KCNQ1: variants seen among roughly 807,000 people sequenced by gnomAD.
KCNQ1 encodes potassium voltage-gated channel subfamily KQT member 1.
KCNQ1 carries 49 observed loss-of-function variants against 72.4 expected under a neutral mutation model. That is an observed-to-expected ratio of 0.68 (90% CI 0.54 to 0.86). The LOEUF is 0.86. Among genes scored for constraint, KCNQ1 ranks in the 40% least tolerant of loss-of-function variants. The probability of loss-of-function intolerance (pLI) is 0.00; values close to 1 mark genes in which losing one functional copy is unlikely to be tolerated. For missense variants in KCNQ1, 790 were observed against 945.1 expected, an observed-to-expected ratio of 0.84 and a Z score of 2.15; for synonymous variants, 450 against 412.6, an observed-to-expected ratio of 1.09 and a Z score of -1.10.
chr11:2,703,665 C>T lies in KCNQ1; in HGVS notation c.1514+41584C>T, dbSNP rs1268863325. 1.3e-5 allele frequency among the ~76,000 whole-genome samples: 2 copies of T among 152,132 alleles called. No individual in the cohort carries two copies. The highest frequency in any genetic ancestry group is 2.4e-5 in the African/African-American group (1 of 41,430). On this transcript the variant is annotated intron_variant, in intron 11 of 15. Transcript: ENST00000155840. This position sits in a 1 kb window ranked among gnomAD's most constrained non-coding sequence, Gnocchi z 6.4. ...GTGCAGATGGGGCCCAGAGCCCCGG[C>T]GGTGTCCCAGGGGAAACACCAGTCC...
chr11:2,520,133 C>T (rs921346299), intron 1 of KCNQ1, among the ~76,000 whole-genome samples: 12 of 152,340 alleles, frequency 7.9e-5, no homozygotes, highest in South Asian at 4.1e-4. Context: ...CCCCTGGAGT[C>T]GGCCAGTCTG....
rs1223200680 is a variant in KCNQ1, at chr11:2,544,262, G to A, written c.477+16244G>A. Among the ~76,000 whole-genome samples, 4 of 92,948 alleles carry A rather than the reference G, an allele frequency of 4.3e-5. No homozygotes were observed. Among genetic ancestry groups the A allele is most frequent in the Admixed American group, 2.1e-4 (2 of 9,468 alleles). The allele number at this position is 92,948 out of a possible 152,430, so 61.0% of individuals were successfully genotyped here. ...TGTGTGTGTGTGTATATATATATGT[G>A]TGTGTGTGTATATATATGTGTATAT... is the stretch of plus-strand genomic sequence containing the variant. On this transcript the variant is annotated intron_variant, in intron 2 of 15. Transcript: ENST00000155840. The surrounding 1 kb of genome is among the most constrained non-coding windows in gnomAD (Gnocchi z 4.4).
rs1847314188 is a variant in KCNQ1 at position 2,517,839 on chromosome 11, C to A, written c.387-10089C>A. ...AGGAGGCTCCCAGCGATCTGTCAAC[C>A]TGTGCTGTTGGCATGCAGCCTGGGG... On this transcript the variant is annotated intron_variant, in intron 1 of 15. Coordinates refer to ENST00000155840, the MANE Select transcript of KCNQ1 (RefSeq NM_000218.3). Among the ~76,000 whole-genome samples the A allele has an allele frequency of 3.9e-5, 6 of 152,354 alleles. No individual in the cohort carries two copies. The South Asian group carries it at 1.2e-3, about 32-fold the overall frequency.
chr11:2,739,274 C>T (rs1590062127), intron 11 of KCNQ1, among the ~76,000 whole-genome samples: 1 of 152,206 alleles, frequency 6.6e-6, no homozygotes, highest in East Asian at 1.9e-4. Flanking sequence ...GTGTGAGGTA[C>T]TGAGAGCCCA....
chr11:2,560,265 GT>G (rs1848141906), intron 2 of KCNQ1, among the ~76,000 whole-genome samples: 1 of 50,116 alleles, frequency 2.0e-5, no homozygotes, highest in Non-Finnish European at 4.4e-5. Flanking sequence ...TCCTGGGGGA[GT>G]GGGGGCGGTG....
chr11:2,782,429 C>A lies in KCNQ1; in HGVS notation c.1794+4392C>A, dbSNP rs891747928. On this transcript the variant is annotated intron_variant, in intron 15 of 15. Transcript: ENST00000155840. This position sits in a 1 kb window ranked among gnomAD's most constrained non-coding sequence, Gnocchi z 6.1. ...TTTTCCTGTCTTGTATGGTCTTCAT[C>A]AGGCTTTGGTGTCAAATGTATGTGA... Among the ~76,000 whole-genome samples the A allele has an allele frequency of 6.6e-6, 1 of 152,222 alleles. No homozygotes were observed. Among genetic ancestry groups the A allele is most frequent in the Non-Finnish European group, 1.5e-5 (1 of 68,034 alleles).
chr11:2,662,539 C>G, intron 11 of KCNQ1: 1 of 428,358 alleles, frequency 2.3e-6, no homozygotes, highest in Non-Finnish European at 4.1e-6. Context: ...ATTTTCCACG[C>G]CTTCCAGTTG....
intron 11 of KCNQ1, chr11:2,699,900 G>A: frequency 2.5e-6 from 1 of 398,042 alleles, no homozygotes; most frequent in Non-Finnish European, 4.4e-6. Flanking sequence ...CACGCTGAGA[G>A]GCACCCCGGC....
chr11:2,840,127 A>ACAAT (rs1411348109), intron 15 of KCNQ1: 1 of 15,616 alleles, frequency 6.4e-5, no homozygotes, highest in East Asian at 3.4e-4. Context: ...AATAACATAA[A>ACAAT]CAATCAATTA....
chr11:2,703,632 G>A lies in KCNQ1; in HGVS notation c.1514+41551G>A, dbSNP rs546716102. 2.6e-5 allele frequency among the ~76,000 whole-genome samples: 4 copies of A among 152,262 alleles called. No homozygotes were observed. The South Asian group carries it at 8.3e-4, about 32-fold the overall frequency. On this transcript the variant is annotated intron_variant, in intron 11 of 15. Coordinates refer to ENST00000155840, the MANE Select transcript of KCNQ1 (RefSeq NM_000218.3). This position sits in a 1 kb window ranked among gnomAD's most constrained non-coding sequence, Gnocchi z 6.4. ...TGAGCTAATTCTTTTGCATTTGCCA[G>A]CACAGAAGTGCAGATGGGGCCCAGA...
chr11:2,520,043 G>A (rs1327870480), intron 1 of KCNQ1, among the ~76,000 whole-genome samples: 2 of 152,224 alleles, frequency 1.3e-5, no homozygotes, highest in Non-Finnish European at 2.9e-5. Context: ...GGGCCCTGTC[G>A]CCCCCACCCC....
intron 10 of KCNQ1, chr11:2,615,157 T>C (rs1849040764): frequency 2.5e-6 from 1 of 398,278 alleles, no homozygotes; most frequent in East Asian, 3.6e-5. Flanking sequence ...TTTGATGCTA[T>C]TGTAAGTGGA....
At chr11:2,747,735 C>G (rs980879416) in intron 11 of KCNQ1, among the ~76,000 whole-genome samples, 1 of 152,112 alleles carries the variant, frequency 6.6e-6, no homozygotes, top group African/African-American at 2.4e-5. Context: ...AAGAGAATGC[C>G]GGGAAAGGGA....
At position 2,477,980 on chromosome 11, in the gene KCNQ1, T is replaced by C. The variant is rs1846596966; in HGVS notation, c.386+32496T>C. ...TAGTCTCAGTGTCTCCCACCACCAC[T>C]TACTAGTTACAAAGGAAAAAGAATC... On this transcript the variant is annotated intron_variant, in intron 1 of 15. Transcript: ENST00000155840. The surrounding 1 kb of genome is among the most constrained non-coding windows in gnomAD (Gnocchi z 5.0). Among the ~76,000 whole-genome samples the C allele has an allele frequency of 6.6e-6, 1 of 152,076 alleles. No individual in the cohort carries two copies. Among genetic ancestry groups the C allele is most frequent in the African/African-American group, 2.4e-5 (1 of 41,394 alleles).
At chr11:2,825,176 C>T (rs1047354200) in intron 15 of KCNQ1, among the ~76,000 whole-genome samples, 2 of 151,470 alleles carry the variant, frequency 1.3e-5, no homozygotes, top group Non-Finnish European at 2.9e-5. Flanking sequence ...TTCCCTGCGG[C>T]GGGACTGGGG....
At chr11:2,632,195 A>AG (rs1307996153) in intron 10 of KCNQ1, 1 of 397,732 alleles carries the variant, frequency 2.5e-6, no homozygotes, top group Non-Finnish European at 4.4e-6. Flanking sequence ...AAAAAAAAAA[A>AG]AAAAAAAAGA....
At position 2,677,496 on chromosome 11, in the gene KCNQ1, G is replaced by T; in HGVS notation, c.1514+15415G>T. On this transcript the variant is annotated intron_variant, in intron 11 of 15. Coordinates refer to ENST00000155840, the MANE Select transcript of KCNQ1 (RefSeq NM_000218.3). This position sits in a 1 kb window ranked among gnomAD's most constrained non-coding sequence, Gnocchi z 4.5. ...ACCATGCCATACTTCTACAAAAAAT[G>T]ATCCTCTCTGTGGAAGTGCTGCCAA... is the stretch of plus-strand genomic sequence containing the variant. The T allele has an allele frequency of 2.5e-6, 1 of 398,524 alleles. No homozygotes were observed. The highest frequency in any genetic ancestry group is 4.4e-5 in the Admixed American group (1 of 22,720). The allele number at this position is 398,524 out of a possible 1,614,324, so 24.7% of individuals were successfully genotyped here. A position where few individuals can be genotyped will look rare whatever the true frequency, so the allele number is the denominator to read the frequency against.
intron 10 of KCNQ1, chr11:2,609,037 CTAAT>C: frequency 2.5e-6 from 1 of 398,206 alleles, no homozygotes; most frequent in Non-Finnish European, 4.4e-6. Context: ...TATTTCTACT[CTAAT>C]ATTTATTATT....
Position 2,645,054 on chromosome 11 carries a change from T to A in KCNQ1, c.1394-16907T>A, listed in dbSNP as rs1849645875. On this transcript the variant is annotated intron_variant, in intron 10 of 15. Transcript: ENST00000155840. The surrounding 1 kb of genome is among the most constrained non-coding windows in gnomAD (Gnocchi z 5.8). Reference sequence around the variant, plus strand: ...TCCAGGCAACTTGCTCAGGTGCCAATGATGACAGAGCTGGGCCACAGGGTG... The same window carrying A: ...TCCAGGCAACTTGCTCAGGTGCCAAAGATGACAGAGCTGGGCCACAGGGTG... The A allele has an allele frequency of 2.5e-6, 1 of 398,454 alleles. No homozygotes were observed. The highest frequency in any genetic ancestry group is 2.1e-5 in the African/African-American group (1 of 48,558). 24.7% of individuals were successfully genotyped at this position (398,454 alleles called of 1,614,324 possible).
Sources: gnomAD v4.1 joint callset for allele counts (sites outside exome capture counted in the v4.1 genomes callset) on GRCh38, gnomAD v4.1.1 for gene constraint, Gnocchi (gnomAD v3.1) non-coding constraint, MANE v1.5 for transcripts, NCBI Gene and HGNC (gene_info 2026-07-23, HGNC 2026-07-21) for gene names.